NKAIN2: variants seen among roughly 807,000 people sequenced by gnomAD.
NKAIN2 encodes sodium/potassium transporting ATPase interacting 2.
Under a neutral mutation model 32.6 loss-of-function variants are expected in NKAIN2, and 14 were observed. The ratio of observed to expected loss-of-function variants is 0.43; its 90% CI spans 0.28 to 0.67. The LOEUF (loss-of-function observed/expected upper bound fraction) is 0.67. Among genes scored for constraint, NKAIN2 ranks in the 30% least tolerant of loss-of-function variants. NKAIN2 has a pLI of 0.17. For synonymous variants in NKAIN2, 80 were observed against 87.2 expected (o/e 0.92, Z 0.46); for missense variants, 198 against 258.3 (o/e 0.77, Z 1.60).
chr6:124,082,799 C>T (rs1268518522), intron 1 of NKAIN2, among the ~76,000 whole-genome samples: 2 of 151,912 alleles, frequency 1.3e-5, no homozygotes, highest in Non-Finnish European at 2.9e-5. Flanking sequence ...AGAAATCAAT[C>T]CATTTGCATT....
chr6:124,775,131 A>G (rs1309347172), intron 4 of NKAIN2, among the ~76,000 whole-genome samples: 3 of 152,196 alleles, frequency 2.0e-5, no homozygotes, highest in South Asian at 2.1e-4. Context: ...TTTTACTTCC[A>G]TGAAAGGACA....
At chr6:124,447,494 T>C in intron 3 of NKAIN2, among the ~76,000 whole-genome samples, 1 of 152,128 alleles carries the variant, frequency 6.6e-6, no homozygotes, top group East Asian at 1.9e-4. Flanking sequence ...TGACCTATTA[T>C]AGGAAATAAA....
intron 1 of NKAIN2, among the ~76,000 whole-genome samples, chr6:124,094,165 A>G (rs937246774): frequency 6.6e-6 from 1 of 152,150 alleles, no homozygotes; most frequent in Non-Finnish European, 1.5e-5. Context: ...CCTCTTGTGA[A>G]TATTTACAAT....
chr6:123,875,113 G>T (rs976464387), intron 1 of NKAIN2, among the ~76,000 whole-genome samples: 1 of 151,578 alleles, frequency 6.6e-6, no homozygotes, highest in African/African-American at 2.4e-5. Context: ...TTCCATTTGG[G>T]GACATTTAGG....
intron 2 of NKAIN2, 147 bp downstream of exon 2, chr6:124,283,289 A>G: frequency 1.7e-6 from 1 of 575,562 alleles, no homozygotes; most frequent in Non-Finnish European, 3.0e-6. Flanking sequence ...TCATAGTTTC[A>G]GATTCCATCA....
chr6:123,911,807 A>ATGTATATATATATATATG (rs1562253444), intron 1 of NKAIN2, among the ~76,000 whole-genome samples: 36 of 103,734 alleles, frequency 3.5e-4, no homozygotes, highest in African/African-American at 1.4e-3. Flanking sequence ...ATATGTATAT[A>ATGTATATATATATATATG]TATATACACA....
chr6:124,214,270 G>T (rs143620096), intron 1 of NKAIN2, among the ~76,000 whole-genome samples: 84 of 152,274 alleles, frequency 5.5e-4, no homozygotes, highest in African/African-American at 1.8e-3. Context: ...AAGATGTAAA[G>T]AATCTTGTGA....
At chr6:124,396,362 A>G (rs1383371570) in intron 3 of NKAIN2, among the ~76,000 whole-genome samples, 1 of 151,450 alleles carries the variant, frequency 6.6e-6, no homozygotes, top group Non-Finnish European at 1.5e-5. Flanking sequence ...TGAGAGAGGA[A>G]TTGATACAAT....
At chr6:123,871,888 T>C (rs1772909597) in intron 1 of NKAIN2, among the ~76,000 whole-genome samples, 1 of 152,206 alleles carries the variant, frequency 6.6e-6, no homozygotes, top group South Asian at 2.1e-4. Context: ...AATCCCCGAT[T>C]GAATTTCCTT....
intron 1 of NKAIN2, among the ~76,000 whole-genome samples, chr6:124,274,734 ACTC>A (rs1242509644): frequency 1.3e-5 from 2 of 152,048 alleles, no homozygotes; most frequent in Non-Finnish European, 2.9e-5. Flanking sequence ...TATAATAACT[ACTC>A]AATATATATT....
intron 2 of NKAIN2, among the ~76,000 whole-genome samples, chr6:124,351,508 C>CAAAAAAAAAAA (rs397956239): frequency 9.2e-6 from 1 of 108,932 alleles, no homozygotes; most frequent in African/African-American, 3.2e-5. Context: ...TCAAAAAAAC[C>CAAAAAAAAAAA]AAAAAAAAAA....
intron 1 of NKAIN2, among the ~76,000 whole-genome samples, chr6:123,904,278 GT>G (rs1243339020): frequency 2.6e-5 from 4 of 151,970 alleles, no homozygotes; most frequent in African/African-American, 9.7e-5. Context: ...CCAATTAAGT[GT>G]ATCTGATTTA....
chr6:124,261,491 G>A (rs899259920), intron 1 of NKAIN2, among the ~76,000 whole-genome samples: 1 of 152,196 alleles, frequency 6.6e-6, no homozygotes, highest in African/African-American at 2.4e-5. Flanking sequence ...CTAGGTGACT[G>A]TCATAGTCAT....
chr6:124,234,489 C>A (rs1792637104), intron 1 of NKAIN2, among the ~76,000 whole-genome samples: 2 of 152,074 alleles, frequency 1.3e-5, no homozygotes, highest in Admixed American at 6.6e-5. Context: ...AGTATGCATA[C>A]AATATGCTCT....
At chr6:124,595,805 C>G (rs1027184491) in intron 3 of NKAIN2, among the ~76,000 whole-genome samples, 2 of 152,158 alleles carry the variant, frequency 1.3e-5, no homozygotes, top group Non-Finnish European at 2.9e-5. Context: ...AGACAGCATA[C>G]TTTAAGAATG....
intron 3 of NKAIN2, among the ~76,000 whole-genome samples, chr6:124,505,699 A>C (rs2114759079): frequency 6.6e-6 from 1 of 152,272 alleles, no homozygotes; most frequent in Admixed American, 6.5e-5. Context: ...AAGGGGCATA[A>C]GTTTGGGTCC....
At chr6:124,794,816 TA>T in intron 5 of NKAIN2, 1 of 870,410 alleles carries the variant, frequency 1.1e-6, no homozygotes, top group Non-Finnish European at 1.4e-6. Flanking sequence ...TCTCTGTATG[TA>T]ATCACTTTCC....
chr6:124,394,962 A>G (rs534693209), intron 3 of NKAIN2, among the ~76,000 whole-genome samples: 2 of 152,056 alleles, frequency 1.3e-5, no homozygotes, highest in South Asian at 2.1e-4. Flanking sequence ...ATGGGGAAAA[A>G]GAGTGATAAT....
chr6:124,427,834 G>A (rs1165323172), intron 3 of NKAIN2, among the ~76,000 whole-genome samples: 6 of 152,046 alleles, frequency 3.9e-5, no homozygotes, highest in South Asian at 2.1e-4. Flanking sequence ...ACGAAACCAC[G>A]GAAATAGGTC....
Sources: allele counts gnomAD v4.1 joint callset (sites outside exome capture counted in the v4.1 genomes callset), GRCh38; gene constraint gnomAD v4.1.1; transcripts MANE v1.5; gene names NCBI Gene and HGNC (gene_info 2026-07-23, HGNC 2026-07-21).